The following SLC25A28 variants were observed in gnomAD, a reference collection of about 807,000 sequenced individuals.
SLC25A28 encodes mitoferrin-2.
Under a neutral mutation model 31.9 loss-of-function variants are expected in SLC25A28, and 10 were observed. The observed-to-expected ratio is 0.31, with a 90% CI of 0.19 to 0.53. The LOEUF (loss-of-function observed/expected upper bound fraction) is 0.53, where lower values mean the gene tolerates loss of function less well. Ranked by LOEUF, SLC25A28 falls within the 20% of genes least tolerant of loss-of-function variation. SLC25A28 has a pLI of 0.95. For missense variants in SLC25A28, 256 were observed against 490.3 expected, an observed-to-expected ratio of 0.52 and a Z score of 4.51; for synonymous variants, 208 against 203.6, an observed-to-expected ratio of 1.02 and a Z score of -0.19.
intron 1 of SLC25A28, chr10:99,617,810 T>C: frequency 2.0e-6 from 2 of 984,322 alleles, no homozygotes; most frequent in Non-Finnish European, 2.4e-6. Context: ...ATAACTGCTA[T>C]GTTGTATGAC....
Position 99,620,237 on chromosome 10 carries a change from C to T in SLC25A28, c.99G>A (p.Leu33=), listed in dbSNP as rs2034755332. The T allele has an allele frequency of 1.5e-6, 2 of 1,363,646 alleles. No individual in the cohort carries two copies. Among genetic ancestry groups the T allele is most frequent in the Non-Finnish European group, 1.9e-6 (2 of 1,059,874 alleles). 84.5% of individuals were successfully genotyped at this position (1,363,646 alleles called of 1,614,324 possible). ...PGESALLDGW[L]QRGVGRGAGG... Reference sequence around the variant, plus strand: ...CGGCCCCCCGGCCCACGCCCCGCTGCAGCCACCCGTCCAGCAGCGCCGACT... The same window carrying T: ...CGGCCCCCCGGCCCACGCCCCGCTGTAGCCACCCGTCCAGCAGCGCCGACT... Residue 33 remains leucine, a synonymous_variant, in exon 1 of 4, where the codon CTG becomes CTA. Coordinates refer to ENST00000370495, the MANE Select transcript of SLC25A28 (RefSeq NM_031212.4).
intron 1 of SLC25A28, among the ~76,000 whole-genome samples, chr10:99,614,356 T>C (rs1161584706): frequency 1.3e-5 from 2 of 152,246 alleles, no homozygotes; most frequent in African/African-American, 4.8e-5. Context: ...TGGCCCTGCT[T>C]CATGACCACA....
chr10:99,638,472 G>A, the SLC25A28 span, among the ~76,000 whole-genome samples: 2 of 152,182 alleles, frequency 1.3e-5, no homozygotes, highest in Non-Finnish European at 2.9e-5. Flanking sequence ...CTTTTGCACA[G>A]CAAAAGGAAC....
chr10:99,636,567 C>G, the SLC25A28 span, among the ~76,000 whole-genome samples: 3 of 151,994 alleles, frequency 2.0e-5, no homozygotes, highest in African/African-American at 4.8e-5. Flanking sequence ...ACTGGAGAAA[C>G]AAGAACAAAC....
rs1464350894 is a variant in SLC25A28, at chr10:99,620,269, G to A, written c.67C>T (p.Pro23Ser). The A allele has an allele frequency of 8.1e-7, 1 of 1,229,024 alleles. No homozygotes were observed. 76.1% of individuals were successfully genotyped at this position (1,229,024 alleles called of 1,614,324 possible). A position where few individuals can be genotyped will look rare whatever the true frequency, so the allele number is the denominator to read the frequency against. Residue 23 changes from proline to serine, a missense_variant, in exon 1 of 4, where the codon CCC becomes TCC. Pro to Ser is a moderately conservative substitution (Grantham distance 74, BLOSUM62 -1). Around this residue, in one of 4 missense-constraint regions of SLC25A28, gnomAD observed 47 missense variants for 41.4 expected, o/e 1.14. Transcript: ENST00000370495. ...CCGTCCAGCAGCGCCGACTCCCCGG[G>A]GCTCCGCCCGGGCCCTGCCGCCGGC... is the stretch of plus-strand genomic sequence containing the variant. The part of the protein sequence containing the change: ...GGPAAGPGRS[P>S]GESALLDGWL...
chr10:99,620,250 A>C lies in SLC25A28; in HGVS notation c.86T>G (p.Leu29Arg), dbSNP rs2034755879. 2.6e-6 allele frequency: 3 copies of C among 1,160,160 alleles called. No homozygotes were observed. Among genetic ancestry groups the C allele is most frequent in the Non-Finnish European group, 3.2e-6 (3 of 945,806 alleles). The allele number at this position is 1,160,160 out of a possible 1,614,324, so 71.9% of individuals were successfully genotyped here. A position where few individuals can be genotyped will look rare whatever the true frequency, so the allele number is the denominator to read the frequency against. Residue 29 changes from leucine (L) to arginine (R), a missense_variant, in exon 1 of 4, where the codon CTG (leucine) becomes CGG (arginine). This residue lies in a region of SLC25A28 where 47 missense variants were observed against 41.4 expected (regional missense o/e 1.14). Coordinates refer to ENST00000370495, the MANE Select transcript of SLC25A28 (RefSeq NM_031212.4). ...CACGCCCCGCTGCAGCCACCCGTCC[A>C]GCAGCGCCGACTCCCCGGGGCTCCG... is the stretch of plus-strand genomic sequence containing the variant. ...PGRSPGESAL[L>R]DGWLQRGVGR...
chr10:99,651,932 TGTGA>T, the SLC25A28 span: 1 of 152,176 alleles, frequency 6.6e-6, no homozygotes, highest in African/African-American at 2.4e-5. Context: ...TCTTTTGGTG[TGTGA>T]GTGTGTATCT....
chr10:99,620,828 C>G (rs1275463703), upstream of SLC25A28: 9 of 985,364 alleles, frequency 9.1e-6, no homozygotes, highest in South Asian at 9.4e-5. Context: ...ACTCTAGGGG[C>G]CGACTTCGGG....
At chr10:99,636,816 A>G in the SLC25A28 span, among the ~76,000 whole-genome samples, 5 of 152,208 alleles carry the variant, frequency 3.3e-5, no homozygotes, top group African/African-American at 7.2e-5. Flanking sequence ...CGACAACAAA[A>G]AAGTCTAGGA....
chr10:99,622,437 A>G (rs1255227979), upstream of SLC25A28, among the ~76,000 whole-genome samples: 3 of 152,228 alleles, frequency 2.0e-5, no homozygotes, highest in Admixed American at 6.5e-5. Context: ...AACCCATTCA[A>G]TCCTGCTAGA....
chr10:99,615,865 G>C (rs1285788643), intron 1 of SLC25A28: 9 of 985,402 alleles, frequency 9.1e-6, no homozygotes, highest in Non-Finnish European at 1.1e-5. Flanking sequence ...TGCAGTCAAT[G>C]GTGTATTTGG....
At chr10:99,627,038 C>T in the SLC25A28 span, among the ~76,000 whole-genome samples, 1 of 151,958 alleles carries the variant, frequency 6.6e-6, no homozygotes, top group Non-Finnish European at 1.5e-5. Context: ...GCCAGGAGTT[C>T]GAGACCAGCC....
chr10:99,620,454 C>A, upstream of SLC25A28: 1 of 1,047,666 alleles, frequency 9.5e-7, no homozygotes. Context: ...CCTCCGGCTC[C>A]CGCTTGGCCC....
In SLC25A28 at chr10:99,619,123, T is replaced by G. The variant is rs537597193; in HGVS notation, c.291+922A>C. On this transcript the variant is annotated intron_variant, in intron 1 of 3. Transcript: ENST00000370495. Reference sequence around the variant, plus strand: ...TGTTTCTTTCTTCACCCAGCTTTCTTCAGAAGGACCTGACTTCAGTACACA... The same window carrying G: ...TGTTTCTTTCTTCACCCAGCTTTCTGCAGAAGGACCTGACTTCAGTACACA... The G allele has an allele frequency of 3.1e-4, 308 of 985,418 alleles. No homozygotes were observed. The African/African-American group carries it at 4.6e-3, about 15-fold the overall frequency. 61.0% of individuals were successfully genotyped at this position (985,418 alleles called of 1,614,324 possible).
chr10:99,643,794 T>A, the SLC25A28 span, among the ~76,000 whole-genome samples: 4 of 152,216 alleles, frequency 2.6e-5, no homozygotes, highest in Non-Finnish European at 2.9e-5. Flanking sequence ...TCAAAGAACA[T>A]CTTTATTTCT....
chr10:99,654,672 C>CAAT, the SLC25A28 span, among the ~76,000 whole-genome samples: 2 of 151,568 alleles, frequency 1.3e-5, no homozygotes, highest in African/African-American at 4.8e-5. Context: ...ACAACAACAA[C>CAAT]AACAACAAAA....
the SLC25A28 span, among the ~76,000 whole-genome samples, chr10:99,651,388 C>T: frequency 6.6e-6 from 1 of 152,084 alleles, no homozygotes; most frequent in Non-Finnish European, 1.5e-5. Flanking sequence ...GTGCACAAAT[C>T]TTTCGTCTAT....
intron 1 of SLC25A28, chr10:99,615,897 G>A: frequency 1.0e-6 from 1 of 985,336 alleles, no homozygotes; most frequent in Non-Finnish European, 1.2e-6. Flanking sequence ...GAACGGTTTG[G>A]CTTCGGAGGC....
rs2034527921 is a variant in SLC25A28, at chr10:99,611,706, A to G, written c.578-340T>C. Among the ~76,000 whole-genome samples the G allele has an allele frequency of 6.6e-6, 1 of 152,156 alleles. No homozygotes were observed. The highest frequency in any genetic ancestry group is 2.1e-4 in the South Asian group (1 of 4,824). On this transcript the variant is annotated intron_variant, in intron 3 of 3. Transcript: ENST00000370495. This position sits in a 1 kb window ranked among gnomAD's most constrained non-coding sequence, Gnocchi z 5.5. ...TGATCTTACCCTCTAACAATTCCCAACAAGAAATGACTCCATGATAGTGAT... is the reference window on the plus strand; with the variant it reads ...TGATCTTACCCTCTAACAATTCCCAGCAAGAAATGACTCCATGATAGTGAT...
Sources: allele counts gnomAD v4.1 joint callset (sites outside exome capture counted in the v4.1 genomes callset), GRCh38; gene constraint gnomAD v4.1.1; regional missense constraint gnomAD v4.1.1; non-coding constraint Gnocchi (gnomAD v3.1); transcripts MANE v1.5; gene names NCBI Gene and HGNC (gene_info 2026-07-23, HGNC 2026-07-21).